The following COL5A3 variants were observed in gnomAD, a reference collection of about 807,000 sequenced individuals.
The protein encoded by COL5A3 is collagen alpha-3(V) chain.
In COL5A3, 172 loss-of-function variants were observed where a neutral mutation model predicts 250.0. The observed-to-expected ratio is 0.69, with a 90% CI of 0.61 to 0.78. The LOEUF is 0.78. Ranked by LOEUF, COL5A3 falls within the 30% of genes least tolerant of loss-of-function variation. The probability of loss-of-function intolerance (pLI) is 0.00; values close to 1 mark genes in which losing one functional copy is unlikely to be tolerated. For missense variants in COL5A3, 2,340 were observed against 2,334.4 expected (o/e 1.00, Z -0.05); for synonymous variants, 937 against 900.4 (o/e 1.04, Z -0.73).
At chr19:9,983,371 C>T (rs753653300) in intron 31 of COL5A3, among the ~76,000 whole-genome samples, 13 of 151,614 alleles carry the variant, frequency 8.6e-5, no homozygotes, top group Non-Finnish European at 1.5e-4. Flanking sequence ...GTGGTGCGCA[C>T]CTGTTGTTCC....
At position 9,976,504 on chromosome 19, in the gene COL5A3, A is replaced by G. The variant is rs1343997595; in HGVS notation, c.3342+54T>C. On this transcript the variant is annotated intron_variant, in intron 45 of 66. Transcript: ENST00000264828. ...TGTGCTTCCACTGTCGTTTGCTCCC[A>G]CTATCCCTCCCTTCAAGGACCCAGA... 2.1e-6 allele frequency: 3 copies of G among 1,397,008 alleles called. No individual in the cohort carries two copies. The East Asian group carries it at 7.8e-5, about 36-fold the overall frequency. The allele number at this position is 1,397,008 out of a possible 1,614,324, so 86.5% of individuals were successfully genotyped here. A position where few individuals can be genotyped will look rare whatever the true frequency, so the allele number is the denominator to read the frequency against.
In COL5A3 at chr19:9,998,019, G is replaced by A. The variant is rs762436562; in HGVS notation, c.1165C>T (p.Gln389Ter). ...GGGGCTCCTGGAGGTCCCTCAAACT[G>A]CTGCCCCTGAAGGGAGAAGTGAGTG... ...GEPAVIEKGQ[Q>*]FEGPPGAPGP... The change falls in exon 10 of 67, where the codon CAG becomes TAG. Residue 389 changes from glutamine (Q) to a stop codon, truncating the protein, a stop_gained. Coordinates refer to ENST00000264828, the MANE Select transcript of COL5A3 (RefSeq NM_015719.4). LOFTEE classifies it high-confidence loss of function. 5.0e-6 allele frequency: 8 copies of A among 1,614,046 alleles called. No individual in the cohort carries two copies. Among genetic ancestry groups the A allele is most frequent in the Non-Finnish European group, 6.8e-6 (8 of 1,180,006 alleles).
chr19:9,986,515 C>CG lies in COL5A3; in HGVS notation c.2244+37_2244+38insC, dbSNP rs768940506. ...TCCCCTCCCTATCTTCCCCGAGCCC[C>CG]CAGACCCACACCACCCCTCATCTGG... is the stretch of plus-strand genomic sequence containing the variant. On this transcript the variant is annotated intron_variant, in intron 29 of 66. Coordinates refer to ENST00000264828, the MANE Select transcript of COL5A3 (RefSeq NM_015719.4). 3.1e-5 allele frequency: 50 copies of CG among 1,613,216 alleles called. No individual in the cohort carries two copies. In the African/African-American group the frequency reaches 6.6e-4, roughly 21 times the overall value.
intron 1 of COL5A3, among the ~76,000 whole-genome samples, chr19:10,006,814 T>C (rs1415192774): frequency 6.6e-6 from 1 of 151,208 alleles, no homozygotes; most frequent in East Asian, 2.0e-4. Flanking sequence ...CCTCTGACCT[T>C]CTGATCTTCT....
chr19:9,968,399 G>A lies in COL5A3; in HGVS notation c.4300C>T (p.Pro1434Ser). The A allele has an allele frequency of 2.5e-6, 4 of 1,593,468 alleles. No individual in the cohort carries two copies. The highest frequency in any genetic ancestry group is 1.1e-5 in the South Asian group (1 of 87,398). ...GLPGVQGPPGPKGDPGPPGPI... is the reference protein window; with the variant it reads ...GLPGVQGPPGSKGDPGPPGPI... The stretch of plus-strand genomic sequence containing the variant: ...AGGACACTCACAGGGTCTCCCTTGG[G>A]ACCAGGGGGTCCCTGCACGCCTGGC... Residue 1434 changes from proline (P) to serine (S), a missense_variant, in exon 59 of 67, where the codon CCC becomes TCC. This residue lies in a region of COL5A3 where 1,179 missense variants were observed against 1,162.6 expected (regional missense o/e 1.01). Transcript: ENST00000264828. The surrounding 1 kb of genome is among the most constrained non-coding windows in gnomAD (Gnocchi z 4.1).
intron 16 of COL5A3, among the ~76,000 whole-genome samples, 160 bp downstream of exon 16, chr19:9,995,404 C>T (rs995286672): frequency 8.5e-5 from 13 of 152,324 alleles, no homozygotes; most frequent in Middle Eastern, 3.4e-3. Flanking sequence ...ACGGCCTGGC[C>T]GGATTCCTTT....
intron 24 of COL5A3, among the ~76,000 whole-genome samples, chr19:9,990,045 C>T (rs1038818685): frequency 7.5e-5 from 11 of 146,684 alleles, no homozygotes; most frequent in Non-Finnish European, 1.6e-4. Context: ...AGCCACTGTG[C>T]CCGCCTTCCC....
In COL5A3 at chr19:9,969,687, A is replaced by G; in HGVS notation, c.3991-5T>C. 6.3e-7 allele frequency: 1 copy of G among 1,587,844 alleles called. No individual in the cohort carries two copies. On this transcript the variant is annotated splice_region_variant and splice_polypyrimidine_tract_variant and intron_variant, in intron 55 of 66. Coordinates refer to ENST00000264828, the MANE Select transcript of COL5A3 (RefSeq NM_015719.4). Reference sequence around the variant, plus strand: ...CCCATCAGGACCTGGCTCCCCCTGAAATGGACACAGGCAAGGGAGGGGCCA... The same window carrying G: ...CCCATCAGGACCTGGCTCCCCCTGAGATGGACACAGGCAAGGGAGGGGCCA...
At chr19:9,992,693 C>T in intron 21 of COL5A3, 134 bp downstream of exon 21, 1 of 839,114 alleles carries the variant, frequency 1.2e-6, no homozygotes, top group East Asian at 2.5e-5. Context: ...ATGAGAATCA[C>T]CTGAACCCAG....
At position 9,997,996 on chromosome 19, in the gene COL5A3, G is replaced by A. The variant is rs1474488396; in HGVS notation, c.1188C>T (p.Ala396=). The change falls in exon 10 of 67, where the codon GCC becomes GCT. Residue 396 remains alanine (A), a synonymous_variant. Coordinates refer to ENST00000264828, the MANE Select transcript of COL5A3 (RefSeq NM_015719.4). ...KGQQFEGPPG[A]PGPQGVVGPS... ...AGCCATGACTTACTTGGGGTCCTGG[G>A]GCTCCTGGAGGTCCCTCAAACTGCT... 1.2e-6 allele frequency: 2 copies of A among 1,613,932 alleles called. No homozygotes were observed. Among genetic ancestry groups the A allele is most frequent in the African/African-American group, 2.7e-5 (2 of 74,874 alleles).
At position 9,978,930 on chromosome 19, in the gene COL5A3, G is replaced by A; in HGVS notation, c.2925C>T (p.Leu975=). The change falls in exon 40 of 67, where the codon CTC becomes CTT. Residue 975 remains leucine, a synonymous_variant. Transcript: ENST00000264828. The stretch of plus-strand genomic sequence containing the variant: ...CCCCTTTGGGGCCGGGAAAGCCCCT[G>A]AGTCCAGCTGGCCCTTCTTTCCCAA... ...GPLGKEGPAG[L]RGFPGPKGGP... 1 of 1,520,154 alleles carries A rather than the reference G, an allele frequency of 6.6e-7. No individual in the cohort carries two copies. The highest frequency in any genetic ancestry group is 8.8e-7 in the Non-Finnish European group (1 of 1,136,920). The allele number at this position is 1,520,154 out of a possible 1,614,324, so 94.2% of individuals were successfully genotyped here.
rs1342269238 is a variant in COL5A3 at position 9,974,222 on chromosome 19, C to G, written c.3453G>C (p.Gly1151=). 6.2e-7 allele frequency: 1 copy of G among 1,613,836 alleles called. No individual in the cohort carries two copies. The highest frequency in any genetic ancestry group is 8.5e-7 in the Non-Finnish European group (1 of 1,179,966). The change falls in exon 47 of 67, where the codon GGG becomes GGC. Residue 1151 remains glycine (G), a splice_region_variant and synonymous_variant. Transcript: ENST00000264828. The stretch of plus-strand genomic sequence containing the variant: ...CTTTCTCTCCCGGAGGGCCTGGCAG[C>G]CCCTGTGGAACAAAGAAGCAAGATT... ...VGVIGPPGLQ[G]LPGPPGEKGE... is the part of the protein sequence containing the mutation.
intron 21 of COL5A3, among the ~76,000 whole-genome samples, chr19:9,992,523 C>A (rs1341984950): frequency 6.6e-6 from 1 of 152,068 alleles, no homozygotes; most frequent in African/African-American, 2.4e-5. Flanking sequence ...GGAACAGTGG[C>A]TCAGGCCTGT....
chr19:9,988,833 C>CAAAAAAAAAAAAA (rs67181648), intron 27 of COL5A3, among the ~76,000 whole-genome samples: 2 of 39,414 alleles, frequency 5.1e-5, no homozygotes, highest in African/African-American at 1.2e-4. Flanking sequence ...GACTCTGTCT[C>CAAAAAAAAAAAAA]AAAAAAAAAA....
At chr19:10,008,451 G>T (rs1180676239) in intron 1 of COL5A3, among the ~76,000 whole-genome samples, 2 of 151,548 alleles carry the variant, frequency 1.3e-5, no homozygotes, top group Non-Finnish European at 2.9e-5. Context: ...GGGGTGGGGG[G>T]GTCTGTCAGG....
intron 57 of COL5A3, 120 bp downstream of exon 57, chr19:9,969,229 G>A: frequency 1.2e-6 from 1 of 835,654 alleles, no homozygotes; most frequent in Non-Finnish European, 1.9e-6. Flanking sequence ...GAGACAGGCA[G>A]TATGGACACT....
rs1568407020 is a variant in COL5A3 at position 9,970,087 on chromosome 19, GGC to G, written c.3937-167_3937-166del. 3.0e-3 allele frequency among the ~76,000 whole-genome samples: 204 copies of G among 68,308 alleles called. 12 individuals carry two copies. Among genetic ancestry groups the G allele is most frequent in the South Asian group, 6.2e-3 (12 of 1,926 alleles). The allele number at this position is 68,308 out of a possible 152,430, so 44.8% of individuals were successfully genotyped here. A position where few individuals can be genotyped will look rare whatever the true frequency, so the allele number is the denominator to read the frequency against. ...TGAGTGGGGGCTGTGGGTGAGTGGG[GGC>G]TGTGGCTGAGTGGAGGCTGTGGGTG... On this transcript the variant is annotated intron_variant, in intron 54 of 66. Transcript: ENST00000264828.
In COL5A3 at chr19:9,986,614, G is replaced by A. The variant is rs2087104155; in HGVS notation, c.2191-8C>T. 1 of 1,613,826 alleles carries A rather than the reference G, an allele frequency of 6.2e-7. No individual in the cohort carries two copies. Among genetic ancestry groups the A allele is most frequent in the African/African-American group, 1.3e-5 (1 of 74,828 alleles). ...TGGGAAGCCGTCCTCTCCCTGGGTG[G>A]GAGAGACAGAGGCCAGAAGTGAGGG... On this transcript the variant is annotated splice_region_variant and splice_polypyrimidine_tract_variant and intron_variant, in intron 28 of 66. Transcript: ENST00000264828.
rs2086790400 is a variant in COL5A3, at chr19:9,968,762, C to T, written c.4153-34G>A. 5.0e-6 allele frequency: 8 copies of T among 1,587,466 alleles called. No individual in the cohort carries two copies. Among genetic ancestry groups the T allele is most frequent in the Non-Finnish European group, 6.9e-6 (8 of 1,163,230 alleles). ...AGAGCAAGGGTCAGTTAGGGATTCT[C>T]AAATGTGAACTCGAGGTCTGTGTGG... On this transcript the variant is annotated intron_variant, in intron 57 of 66. Transcript: ENST00000264828. The surrounding 1 kb of genome is among the most constrained non-coding windows in gnomAD (Gnocchi z 4.1).
Sources: gnomAD v4.1 joint callset for allele counts (sites outside exome capture counted in the v4.1 genomes callset) on GRCh38, gnomAD v4.1.1 for gene constraint, gnomAD v4.1.1 regional missense constraint, Gnocchi (gnomAD v3.1) non-coding constraint, MANE v1.5 for transcripts, NCBI Gene and HGNC (gene_info 2026-07-23, HGNC 2026-07-21) for gene names.